TRIM42: variants seen among roughly 807,000 people sequenced by gnomAD.
TRIM42 encodes the protein tripartite motif-containing protein 42.
In TRIM42, 59 loss-of-function variants were observed where a neutral mutation model predicts 64.9. The ratio of observed to expected loss-of-function variants is 0.91; its 90% CI spans 0.74 to 1.13. The LOEUF is 1.13. Ranked by LOEUF, TRIM42 falls within the 50% of genes most tolerant of loss-of-function variation. TRIM42 has a pLI of 0.00. For synonymous variants in TRIM42, 354 were observed against 346.3 expected, an observed-to-expected ratio of 1.02 and a Z score of -0.25; for missense variants, 878 against 929.5, an observed-to-expected ratio of 0.94 and a Z score of 0.72.
chr3:140,699,440 G>A (rs1443729707), intron 4 of TRIM42, among the ~76,000 whole-genome samples: 5 of 152,080 alleles, frequency 3.3e-5, no homozygotes, highest in South Asian at 2.1e-4. Flanking sequence ...TGGGGCATTT[G>A]GGGCAGGGAA....
intron 2 of TRIM42, among the ~76,000 whole-genome samples, chr3:140,684,113 C>T (rs1306518155): frequency 6.6e-6 from 1 of 152,000 alleles, no homozygotes; most frequent in Non-Finnish European, 1.5e-5. Context: ...CCACTTTACT[C>T]AGGCCTGTGG....
intron 2 of TRIM42, among the ~76,000 whole-genome samples, chr3:140,683,388 C>CAG (rs144968443): frequency 0.018 from 2,678 of 152,266 alleles, 56 homozygotes; most frequent in East Asian, 0.12. Flanking sequence ...ACCTATGAAA[C>CAG]GGGAATAGTA....
At position 140,690,151 on chromosome 3, in the gene TRIM42, A is replaced by T. The variant is rs1988667761; in HGVS notation, c.1861-817A>T. ...GGAATCATAGTGCTTAGCAATGCAG[A>T]AGATTAAGTTTATGTTAACATCACT... On this transcript the variant is annotated intron_variant, in intron 3 of 4. Coordinates refer to ENST00000286349, the MANE Select transcript of TRIM42 (RefSeq NM_152616.5). Among the ~76,000 whole-genome samples, 6 of 152,314 alleles carry T rather than the reference A, an allele frequency of 3.9e-5. No homozygotes were observed. In the South Asian group the frequency reaches 1.2e-3, roughly 32 times the overall value.
In TRIM42 at chr3:140,682,488, G is replaced by A. The variant is rs1988425012; in HGVS notation, c.368G>A (p.Ser123Asn). ...TSSKTALRTG[S>N]SDTQVDEVKS... ...TCCAAGACTGCCCTGCGCACTGGGA[G>A]CAGCGATACCCAGGTGGATGAAGTA... Residue 123 changes from serine to asparagine, a missense_variant, in exon 2 of 5, where the codon AGC (serine) becomes AAC (asparagine). Ser to Asn is a conservative substitution (Grantham distance 46). Coordinates refer to ENST00000286349, the MANE Select transcript of TRIM42 (RefSeq NM_152616.5). 2 of 1,614,102 alleles carry A rather than the reference G, an allele frequency of 1.2e-6. No homozygotes were observed. Among genetic ancestry groups the A allele is most frequent in the Non-Finnish European group, 1.7e-6 (2 of 1,179,974 alleles).
chr3:140,698,833 A>T (rs1345046348), intron 4 of TRIM42, among the ~76,000 whole-genome samples: 1 of 152,040 alleles, frequency 6.6e-6, no homozygotes, highest in Non-Finnish European at 1.5e-5. Flanking sequence ...TGATGGTTTT[A>T]TCTGTTTACT....
chr3:140,691,328 AG>A lies in TRIM42; in HGVS notation c.2085+138del, dbSNP rs1185718048. The A allele has an allele frequency of 8.5e-4, 642 of 756,864 alleles. 4 individuals carry two copies. Among genetic ancestry groups the A allele is most frequent in the Non-Finnish European group, 4.3e-5 (20 of 461,498 alleles). The allele number at this position is 756,864 out of a possible 1,614,324, so 46.9% of individuals were successfully genotyped here. A position where few individuals can be genotyped will look rare whatever the true frequency, so the allele number is the denominator to read the frequency against. On this transcript the variant is annotated intron_variant, in intron 4 of 4. Transcript: ENST00000286349. ...TAAGCACAGAACATTTGTTAACTTG[AG>A]GCCAAAGAGAGGGCTGCTGGCCTCA...
rs1988743935 is a variant in TRIM42, at chr3:140,692,518, CACACAT to C, written c.2085+1338_2085+1343del. On this transcript the variant is annotated intron_variant, in intron 4 of 4. Transcript: ENST00000286349. ...AGAGTCCAGCACCCATGGACACACACACACATACACATACACACACACACACACACA... is the reference window on the plus strand; with the variant it reads ...AGAGTCCAGCACCCATGGACACACACACACATACACACACACACACACACA... Among the ~76,000 whole-genome samples the C allele has an allele frequency of 2.2e-5, 3 of 134,492 alleles. No homozygotes were observed. In the South Asian group the frequency reaches 7.5e-4, roughly 34 times the overall value. 88.2% of individuals were successfully genotyped at this position (134,492 alleles called of 152,430 possible).
chr3:140,697,973 G>A (rs564327844), intron 4 of TRIM42, among the ~76,000 whole-genome samples: 4 of 152,260 alleles, frequency 2.6e-5, no homozygotes, highest in East Asian at 1.9e-4. Flanking sequence ...ATGAGCCACC[G>A]CGCCTGGCCA....
chr3:140,689,314 T>C (rs1444484483), intron 3 of TRIM42, among the ~76,000 whole-genome samples: 1 of 152,212 alleles, frequency 6.6e-6, no homozygotes, highest in Non-Finnish European at 1.5e-5. Context: ...TTAGAGTGCC[T>C]CTTTCCTCCT....
intron 1 of TRIM42, among the ~76,000 whole-genome samples, chr3:140,681,461 A>G (rs1348191898): frequency 4.6e-5 from 7 of 152,230 alleles, no homozygotes; most frequent in Non-Finnish European, 1.0e-4. Flanking sequence ...GTTTAAAAAA[A>G]CATCTCAGAA....
At chr3:140,691,475 G>A (rs1988713593) in intron 4 of TRIM42, among the ~76,000 whole-genome samples, 1 of 152,202 alleles carries the variant, frequency 6.6e-6, no homozygotes, top group Non-Finnish European at 1.5e-5. Flanking sequence ...CCTTCAAGGT[G>A]CTCAGGGTCT....
At chr3:140,695,178 G>A (rs1473446641) in intron 4 of TRIM42, among the ~76,000 whole-genome samples, 1 of 152,174 alleles carries the variant, frequency 6.6e-6, no homozygotes, top group Admixed American at 6.5e-5. Flanking sequence ...AGTCTGGGAG[G>A]CAGAGGTTGC....
intron 2 of TRIM42, among the ~76,000 whole-genome samples, chr3:140,686,207 A>G (rs1988540751): frequency 6.6e-6 from 1 of 152,236 alleles, no homozygotes; most frequent in African/African-American, 2.4e-5. Flanking sequence ...GTAGGTAACT[A>G]TTGAATAGTC....
chr3:140,701,135 A>G lies in TRIM42; in HGVS notation c.*161A>G. On this transcript the variant is annotated 3_prime_UTR_variant, in exon 5 of 5. Coordinates refer to ENST00000286349, the MANE Select transcript of TRIM42 (RefSeq NM_152616.5). ...CAACAGGAATCTTGTAAGAGCTAAT[A>G]AAAGGAAATACCTGACATGGCTTGC... 1.7e-6 allele frequency: 1 copy of G among 577,980 alleles called. No individual in the cohort carries two copies. The highest frequency in any genetic ancestry group is 3.0e-6 in the Non-Finnish European group (1 of 333,108). 35.8% of individuals were successfully genotyped at this position (577,980 alleles called of 1,614,324 possible).
intron 4 of TRIM42, among the ~76,000 whole-genome samples, chr3:140,697,433 A>G (rs892620232): frequency 6.6e-6 from 1 of 152,198 alleles, no homozygotes; most frequent in Non-Finnish European, 1.5e-5. Context: ...GATCACAAAG[A>G]TAACCTTCTA....
rs1988437947 is a variant in TRIM42, at chr3:140,682,744, C to T, written c.624C>T (p.Asn208=). The T allele has an allele frequency of 2.5e-6, 4 of 1,613,050 alleles. No individual in the cohort carries two copies. In the East Asian group the frequency reaches 8.9e-5, roughly 36 times the overall value. Residue 208 remains asparagine, a synonymous_variant, in exon 2 of 5, where the codon AAC becomes AAT. Coordinates refer to ENST00000286349, the MANE Select transcript of TRIM42 (RefSeq NM_152616.5). Reference sequence around the variant, plus strand: ...GCAACAAGATGCAGCTGCCCGAGAACTACCTGCACGGGCGTCTCACCAAGC... The same window carrying T: ...GCAACAAGATGCAGCTGCCCGAGAATTACCTGCACGGGCGTCTCACCAAGC... The part of the protein sequence containing the change: ...PYSNKMQLPE[N]YLHGRLTKRY...
Position 140,682,738 on chromosome 3 carries a change from C to G in TRIM42, c.618C>G (p.Pro206=). 7 of 1,612,842 alleles carry G rather than the reference C, an allele frequency of 4.3e-6. No homozygotes were observed. Among genetic ancestry groups the G allele is most frequent in the South Asian group, 1.1e-5 (1 of 91,074 alleles). The part of the protein sequence containing the change: ...CMPYSNKMQL[P]ENYLHGRLTK... ...CCTACAGCAACAAGATGCAGCTGCCCGAGAACTACCTGCACGGGCGTCTCA... is the reference window on the plus strand; with the variant it reads ...CCTACAGCAACAAGATGCAGCTGCCGGAGAACTACCTGCACGGGCGTCTCA... The change falls in exon 2 of 5, where the codon CCC becomes CCG. Residue 206 remains proline (P), a synonymous_variant. Coordinates refer to ENST00000286349, the MANE Select transcript of TRIM42 (RefSeq NM_152616.5).
chr3:140,684,070 T>C (rs989359150), intron 2 of TRIM42, among the ~76,000 whole-genome samples: 3 of 152,160 alleles, frequency 2.0e-5, no homozygotes, highest in African/African-American at 7.2e-5. Context: ...TTTAGTGCCC[T>C]TTACCCCCAG....
In TRIM42 at chr3:140,678,549, G is replaced by GCCTCA; in HGVS notation, c.321_325dup (p.Arg109ThrfsTer25). On this transcript the variant is annotated frameshift_variant, in exon 1 of 5. Coordinates refer to ENST00000286349, the MANE Select transcript of TRIM42 (RefSeq NM_152616.5). LOFTEE classifies it high-confidence loss of function. ...ACCATCATCACTTTCCACAAGGGCCGCCTCAGGAGCATCCATACCTCGTAA... is the reference window on the plus strand; with the variant it reads ...ACCATCATCACTTTCCACAAGGGCCGCCTCACCTCAGGAGCATCCATACCTCGTAA... 1 of 1,613,388 alleles carries GCCTCA rather than the reference G, an allele frequency of 6.2e-7. No individual in the cohort carries two copies.
Sources: gnomAD v4.1 joint callset for allele counts (sites outside exome capture counted in the v4.1 genomes callset) on GRCh38, gnomAD v4.1.1 for gene constraint, MANE v1.5 for transcripts, NCBI Gene and HGNC (gene_info 2026-07-23, HGNC 2026-07-21) for gene names.